SPEN: variants seen among roughly 807,000 people sequenced by gnomAD.
SPEN encodes the protein spen family transcriptional repressor.
A neutral mutation model predicts 269.9 loss-of-function variants in SPEN; 18 were observed. The ratio of observed to expected loss-of-function variants is 0.07; its 90% CI spans 0.05 to 0.10. The LOEUF (loss-of-function observed/expected upper bound fraction) is 0.10. Among genes scored for constraint, SPEN ranks in the 10% least tolerant of loss-of-function variants. The pLI is 1.00. For missense variants in SPEN, 3,822 were observed against 4,631.2 expected (o/e 0.83, Z 5.07); for synonymous variants, 1,726 against 1,765.7 (o/e 0.98, Z 0.56).
intron 2 of SPEN, chr1:15,874,215 A>G: frequency 7.3e-7 from 1 of 1,366,458 alleles, no homozygotes; most frequent in Non-Finnish European, 9.8e-7. Context: ...CAGTGGAATT[A>G]TTTTGTCTGG....
intron 3 of SPEN, among the ~76,000 whole-genome samples, chr1:15,903,484 C>T (rs148670122): frequency 2.9e-3 from 439 of 152,280 alleles, no homozygotes; most frequent in African/African-American, 0.01. Flanking sequence ...ACCTCCTGGG[C>T]TTAGATAATC....
intron 3 of SPEN, among the ~76,000 whole-genome samples, chr1:15,907,416 C>T (rs974630720): frequency 5.3e-5 from 8 of 152,010 alleles, no homozygotes; most frequent in African/African-American, 1.9e-4. Context: ...GTGGAGGTTG[C>T]AGTGAGCCAC....
In SPEN at chr1:15,933,591, C is replaced by T; in HGVS notation, c.7351C>T (p.His2451Tyr). The T allele has an allele frequency of 1.2e-6, 2 of 1,614,026 alleles. No homozygotes were observed. The highest frequency in any genetic ancestry group is 1.7e-6 in the Non-Finnish European group (2 of 1,179,954). The change falls in exon 11 of 15, where the codon CAT (histidine) becomes TAT (tyrosine). Residue 2451 changes from histidine (H) to tyrosine (Y), a missense_variant. Physicochemically the swap from His to Tyr is moderately conservative, Grantham distance 83. This residue lies in a region of SPEN where 727 missense variants were observed against 737.9 expected (regional missense o/e 0.99). Transcript: ENST00000375759. This position sits in a 1 kb window ranked among gnomAD's most constrained non-coding sequence, Gnocchi z 5.7. ...GGAGCCTCAAGCCAGGTTCAGGGTG[C>T]ATTCCATCATTGAAAGTGACCCGGT... Reference protein sequence around the residue: ...DEEPQARFRVHSIIESDPVTP... With the variant: ...DEEPQARFRVYSIIESDPVTP...
At chr1:15,888,609 C>G (rs1335672950) in intron 3 of SPEN, among the ~76,000 whole-genome samples, 1 of 151,524 alleles carries the variant, frequency 6.6e-6, no homozygotes, top group Non-Finnish European at 1.5e-5. Context: ...TAGGCATGAG[C>G]TACCACACCC....
rs186425767 is a variant in SPEN, at chr1:15,919,390, C to T, written c.1522-14C>T. The T allele has an allele frequency of 7.8e-5, 121 of 1,542,044 alleles. No homozygotes were observed. In the Admixed American group the frequency reaches 2.6e-3, roughly 33 times the overall value. ...GTGAACTTTACTAATAGAAATTTTG[C>T]CTTTTATATTCAGCTGGGTTTTGGA... On this transcript the variant is annotated splice_polypyrimidine_tract_variant and intron_variant, in intron 7 of 14. Coordinates refer to ENST00000375759, the MANE Select transcript of SPEN (RefSeq NM_015001.3).
At position 15,935,429 on chromosome 1, in the gene SPEN, A is replaced by C; in HGVS notation, c.9189A>C (p.Pro3063=). Residue 3063 remains proline (P), a synonymous_variant, in exon 11 of 15, where the codon CCA becomes CCC. Coordinates refer to ENST00000375759, the MANE Select transcript of SPEN (RefSeq NM_015001.3). This position sits in a 1 kb window ranked among gnomAD's most constrained non-coding sequence, Gnocchi z 7.7. The part of the protein sequence containing the change: ...NATVMLAAGI[P]VPQFISSIHP... The stretch of plus-strand genomic sequence containing the variant: ...CAGTCATGCTGGCTGCAGGCATCCC[A>C]GTGCCCCAGTTCATCTCCAGCATCC... 6.2e-7 allele frequency: 1 copy of C among 1,613,992 alleles called. No homozygotes were observed. The highest frequency in any genetic ancestry group is 8.5e-7 in the Non-Finnish European group (1 of 1,179,980).
In SPEN at chr1:15,929,441, G is replaced by A. The variant is rs534593310; in HGVS notation, c.3201G>A (p.Gln1067=). The change falls in exon 11 of 15, where the codon CAG becomes CAA. Residue 1067 remains glutamine, a synonymous_variant. Transcript: ENST00000375759. This position sits in a 1 kb window ranked among gnomAD's most constrained non-coding sequence, Gnocchi z 5.8. ...CTGTTGCCAGCCCCAAAGACTGTCA[G>A]GAGCTTGCCAGTATTTCTGTTGGGT... ...LNTVASPKDC[Q]ELASISVGSG... 5.6e-5 allele frequency: 90 copies of A among 1,613,550 alleles called. No homozygotes were observed. In the South Asian group the frequency reaches 9.9e-4, roughly 18 times the overall value.
intron 3 of SPEN, among the ~76,000 whole-genome samples, chr1:15,893,570 C>G (rs1345346261): frequency 6.6e-6 from 1 of 152,302 alleles, no homozygotes; most frequent in Non-Finnish European, 1.5e-5. Flanking sequence ...AGGTGCCTTT[C>G]TAACTCCTTG....
At chr1:15,907,673 T>G (rs902978076) in intron 3 of SPEN, among the ~76,000 whole-genome samples, 10 of 152,046 alleles carry the variant, frequency 6.6e-5, no homozygotes, top group Admixed American at 6.6e-4. Context: ...AAGTGAGGCC[T>G]CTATAACATG....
At chr1:15,921,852 T>C (rs1159264351) in intron 9 of SPEN, among the ~76,000 whole-genome samples, 1 of 152,252 alleles carries the variant, frequency 6.6e-6, no homozygotes, top group Non-Finnish European at 1.5e-5. Context: ...GAGCATCATA[T>C]GCTTTAGTAA....
intron 3 of SPEN, among the ~76,000 whole-genome samples, chr1:15,908,895 A>G (rs1298817094): frequency 6.6e-6 from 1 of 152,194 alleles, no homozygotes; most frequent in Non-Finnish European, 1.5e-5. Flanking sequence ...AAATTATGAT[A>G]GGAAACCCAT....
intron 3 of SPEN, among the ~76,000 whole-genome samples, chr1:15,889,094 G>A (rs1459883347): frequency 6.6e-6 from 1 of 150,982 alleles, no homozygotes. Context: ...TGCGTGTCCA[G>A]AAATTAAGGA....
At chr1:15,872,276 A>C (rs1244152873) in intron 1 of SPEN, among the ~76,000 whole-genome samples, 1 of 149,872 alleles carries the variant, frequency 6.7e-6, no homozygotes, top group African/African-American at 2.5e-5. Flanking sequence ...TAGAAAGGTG[A>C]AGGGGAGTTT....
chr1:15,899,791 T>C (rs1229658743), intron 3 of SPEN, among the ~76,000 whole-genome samples: 2 of 152,038 alleles, frequency 1.3e-5, no homozygotes, highest in Non-Finnish European at 2.9e-5. Context: ...ATCAGGTTGC[T>C]TTTTGTTGTT....
Position 15,847,888 on chromosome 1 carries a change from A to C in SPEN, c.-180A>C, listed in dbSNP as rs2148698072. ...CTGAGCTGCGAGGCCCGAGAGTCAGAACCTGGGGGAGAGGGATGGTCTCTG... is the reference window on the plus strand; with the variant it reads ...CTGAGCTGCGAGGCCCGAGAGTCAGCACCTGGGGGAGAGGGATGGTCTCTG... On this transcript the variant is annotated 5_prime_UTR_variant, in exon 1 of 15. Transcript: ENST00000375759. 1 of 292,938 alleles carries C rather than the reference A, an allele frequency of 3.4e-6. No homozygotes were observed. Among genetic ancestry groups the C allele is most frequent in the African/African-American group, 2.2e-5 (1 of 45,314 alleles). The allele number at this position is 292,938 out of a possible 1,614,324, so 18.1% of individuals were successfully genotyped here. A position where few individuals can be genotyped will look rare whatever the true frequency, so the allele number is the denominator to read the frequency against.
intron 3 of SPEN, among the ~76,000 whole-genome samples, chr1:15,900,545 C>T (rs1351623016): frequency 6.6e-6 from 1 of 152,050 alleles, no homozygotes; most frequent in Non-Finnish European, 1.5e-5. Context: ...TCAGGTTGTC[C>T]AAAATCAAGT....
intron 1 of SPEN, among the ~76,000 whole-genome samples, chr1:15,861,656 G>C (rs1331266210): frequency 6.6e-6 from 1 of 151,702 alleles, no homozygotes; most frequent in African/African-American, 2.4e-5. Flanking sequence ...TTTTGTGGGG[G>C]GAGTAGTGAC....
intron 3 of SPEN, among the ~76,000 whole-genome samples, chr1:15,904,479 T>TAAAAAA (rs1557750239): frequency 0.01 from 822 of 80,892 alleles, 41 homozygotes; most frequent in Admixed American, 0.025. Context: ...AAAAAAAAAG[T>TAAAAAA]GAACTAAAAA....
intron 3 of SPEN, among the ~76,000 whole-genome samples, chr1:15,906,839 TG>T (rs1467002762): frequency 6.7e-6 from 1 of 149,190 alleles, no homozygotes; most frequent in Non-Finnish European, 1.5e-5. Context: ...TGTAGTGGTA[TG>T]ACCATGGCTC....
Sources: allele counts gnomAD v4.1 joint callset (sites outside exome capture counted in the v4.1 genomes callset), GRCh38; gene constraint gnomAD v4.1.1; regional missense constraint gnomAD v4.1.1; non-coding constraint Gnocchi (gnomAD v3.1); transcripts MANE v1.5; gene names NCBI Gene and HGNC (gene_info 2026-07-23, HGNC 2026-07-21).